Variants in SERPINB7 observed in about 807,000 individuals in gnomAD.
The protein encoded by SERPINB7 is serpin B7.
In SERPINB7, 31 loss-of-function variants were observed where a neutral mutation model predicts 37.4. The observed-to-expected ratio is 0.83, with a 90% confidence interval of 0.62 to 1.12. The LOEUF (loss-of-function observed/expected upper bound fraction) is 1.12, where lower values mean the gene tolerates loss of function less well. Among genes scored for constraint, SERPINB7 ranks in the 50% most tolerant of loss-of-function variants. The probability of loss-of-function intolerance (pLI) is 0.00; values close to 1 mark genes in which losing one functional copy is unlikely to be tolerated. For missense variants in SERPINB7, 521 were observed against 455.3 expected (o/e 1.14, Z -1.31); for synonymous variants, 163 against 166.1 (o/e 0.98, Z 0.14).
At chr18:63,784,249 C>A (rs1599006832) in intron 2 of SERPINB7, among the ~76,000 whole-genome samples, 1 of 152,150 alleles carries the variant, frequency 6.6e-6, no homozygotes, top group Admixed American at 6.5e-5. Context: ...TCAACTTTGG[C>A]ACTATTGACA....
At chr18:63,792,569 C>T (rs1303889228) in intron 3 of SERPINB7, 126 bp downstream of exon 3, 1 of 612,182 alleles carries the variant, frequency 1.6e-6, no homozygotes, top group Non-Finnish European at 2.9e-6. Context: ...TCAAGACCAG[C>T]CTGGGCAACA....
intron 2 of SERPINB7, among the ~76,000 whole-genome samples, chr18:63,786,438 A>G (rs1313316886): frequency 1.3e-5 from 2 of 151,820 alleles, no homozygotes; most frequent in Non-Finnish European, 2.9e-5. Flanking sequence ...TTTGGATTAC[A>G]ATATTATTTA....
At chr18:63,772,021 A>G (rs1452640113), upstream of SERPINB7, among the ~76,000 whole-genome samples, 2 of 152,012 alleles carry the variant, frequency 1.3e-5, no homozygotes, top group Non-Finnish European at 2.9e-5. Flanking sequence ...TTATACAGGT[A>G]AACTGCATGT....
At position 63,783,218 on chromosome 18, in the gene SERPINB7, G is replaced by GAA. The variant is rs1223366986; in HGVS notation, c.168+679_168+680insAA. On this transcript the variant is annotated intron_variant, in intron 2 of 7. Coordinates refer to ENST00000398019, the MANE Select transcript of SERPINB7 (RefSeq NM_003784.4). ...AGAGAGAGAGAGAGAGAGAGAGAGA[G>GAA]AGAGAGAGAGAGAGAGAAAGAAAGA... Among the ~76,000 whole-genome samples, 541 of 71,110 alleles carry GAA rather than the reference G, an allele frequency of 7.6e-3. 30 individuals are homozygous for GAA. The highest frequency in any genetic ancestry group is 0.027 in the African/African-American group (507 of 18,872). 46.7% of individuals were successfully genotyped at this position (71,110 alleles called of 152,430 possible).
At chr18:63,804,114 T>G in intron 7 of SERPINB7, 123 bp from the exon 8 acceptor site, 1 of 690,456 alleles carries the variant, frequency 1.4e-6, no homozygotes, top group Non-Finnish European at 2.4e-6. Context: ...CAAGACACAT[T>G]CATGTACTTG....
chr18:63,798,650 T>C lies in SERPINB7; in HGVS notation c.501T>C (p.Ala167=). 6.2e-7 allele frequency: 1 copy of C among 1,610,006 alleles called. No individual in the cohort carries two copies. The highest frequency in any genetic ancestry group is 8.5e-7 in the Non-Finnish European group (1 of 1,178,388). The stretch of plus-strand genomic sequence containing the variant: ...GTGAAGGTGGCATAAGCTCATCTGC[T>C]GTAATGGTGCTGGTGAATGCTGTGT... ...VIGEGGISSS[A]VMVLVNAVYF... The change falls in exon 6 of 8, where the codon GCT becomes GCC. Residue 167 remains alanine, a synonymous_variant. Coordinates refer to ENST00000398019, the MANE Select transcript of SERPINB7 (RefSeq NM_003784.4).
intron 7 of SERPINB7, among the ~76,000 whole-genome samples, chr18:63,801,390 C>T (rs942507788): frequency 6.6e-6 from 1 of 152,084 alleles, no homozygotes; most frequent in African/African-American, 2.4e-5. Context: ...ATGATAGAGT[C>T]CTGAGCCTTT....
chr18:63,753,370 G>A (rs191596499), intron 1 of SERPINB7, among the ~76,000 whole-genome samples: 8 of 152,122 alleles, frequency 5.3e-5, no homozygotes, highest in Middle Eastern at 3.4e-3. Context: ...ATTGACGGCC[G>A]CATCTATAAC....
intron 1 of SERPINB7, among the ~76,000 whole-genome samples, chr18:63,768,669 G>T (rs2049193733): frequency 6.6e-6 from 1 of 151,964 alleles, no homozygotes; most frequent in Admixed American, 6.6e-5. Context: ...ATAATAAATT[G>T]CATCAATTTA....
At chr18:63,792,308 G>A in intron 2 of SERPINB7, 85 bp from the exon 3 acceptor site, 1 of 986,938 alleles carries the variant, frequency 1.0e-6, no homozygotes, top group Non-Finnish European at 1.6e-6. Context: ...TATTGGGAAA[G>A]AATATTTTTA....
At chr18:63,800,350 C>T (rs2049534114) in intron 6 of SERPINB7, among the ~76,000 whole-genome samples, 1 of 152,100 alleles carries the variant, frequency 6.6e-6, no homozygotes, top group Admixed American at 6.6e-5. Context: ...GCATGAGCCA[C>T]AGCGCCTGGT....
Position 63,796,398 on chromosome 18 carries a change from A to G in SERPINB7, c.454+15A>G. The stretch of plus-strand genomic sequence containing the variant: ...TGAAACACATGGTGAGTATTGAAAT[A>G]CCCTATTTTTCTACAAGATTTGTCA... On this transcript the variant is annotated intron_variant, in intron 5 of 7. Coordinates refer to ENST00000398019, the MANE Select transcript of SERPINB7 (RefSeq NM_003784.4). 1 of 1,374,498 alleles carries G rather than the reference A, an allele frequency of 7.3e-7. No individual in the cohort carries two copies. The highest frequency in any genetic ancestry group is 1.7e-5 in the Admixed American group (1 of 59,000). 85.1% of individuals were successfully genotyped at this position (1,374,498 alleles called of 1,614,324 possible). A position where few individuals can be genotyped will look rare whatever the true frequency, so the allele number is the denominator to read the frequency against.
At position 63,782,513 on chromosome 18, in the gene SERPINB7, A is replaced by G. The variant is rs1049938755; in HGVS notation, c.141A>G (p.Gln47=). 6.2e-7 allele frequency: 1 copy of G among 1,613,376 alleles called. No homozygotes were observed. Among genetic ancestry groups the G allele is most frequent in the Admixed American group, 1.7e-5 (1 of 59,950 alleles). Residue 47 remains glutamine, a synonymous_variant, in exon 2 of 8, where the codon CAA becomes CAG. Coordinates refer to ENST00000398019, the MANE Select transcript of SERPINB7 (RefSeq NM_003784.4). ...AALALVRLGA[Q]DDSLSQIDKL... ...TGGCCCTGGTCCGCTTGGGCGCTCA[A>G]GATGACTCCCTCTCTCAGATTGATA...
At chr18:63,785,530 C>T (rs181953618) in intron 2 of SERPINB7, among the ~76,000 whole-genome samples, 46 of 152,228 alleles carry the variant, frequency 3.0e-4, no homozygotes, top group African/African-American at 9.9e-4. Context: ...GAAACTCTGG[C>T]TCATTTACTC....
At chr18:63,786,138 T>A (rs28494120) in intron 2 of SERPINB7, among the ~76,000 whole-genome samples, 1 of 116,600 alleles carries the variant, frequency 8.6e-6, no homozygotes, top group Non-Finnish European at 1.7e-5. Flanking sequence ...CGTATATACA[T>A]ATATACACAC....
At chr18:63,772,520 C>A (rs919029405), upstream of SERPINB7, among the ~76,000 whole-genome samples, 1 of 152,012 alleles carries the variant, frequency 6.6e-6, no homozygotes, top group African/African-American at 2.4e-5. Context: ...TTTACTTTTT[C>A]ATGACAAATA....
rs765672415 is a variant in SERPINB7, at chr18:63,793,295, T to G, written c.336+18T>G. 3 of 1,285,778 alleles carry G rather than the reference T, an allele frequency of 2.3e-6. No individual in the cohort carries two copies. Among genetic ancestry groups the G allele is most frequent in the East Asian group, 2.3e-5 (1 of 42,906 alleles). 79.6% of individuals were successfully genotyped at this position (1,285,778 alleles called of 1,614,324 possible). A position where few individuals can be genotyped will look rare whatever the true frequency, so the allele number is the denominator to read the frequency against. ...TTCATAAGGTAAGTGAAACTGCCTTTGTTAGAAGGACCTGAATCTTGTTAA... is the reference window on the plus strand; with the variant it reads ...TTCATAAGGTAAGTGAAACTGCCTTGGTTAGAAGGACCTGAATCTTGTTAA... On this transcript the variant is annotated intron_variant, in intron 4 of 7. Coordinates refer to ENST00000398019, the MANE Select transcript of SERPINB7 (RefSeq NM_003784.4).
chr18:63,782,747 C>A (rs1334024523), intron 2 of SERPINB7, among the ~76,000 whole-genome samples: 1 of 152,168 alleles, frequency 6.6e-6, no homozygotes, highest in Non-Finnish European at 1.5e-5. Context: ...CAGAAATATT[C>A]CAAGTACTGC....
intron 1 of SERPINB7, among the ~76,000 whole-genome samples, chr18:63,761,756 G>A (rs113461540): frequency 0.036 from 5,434 of 152,200 alleles, 161 homozygotes; most frequent in African/African-American, 0.076. Context: ...TCTTGCTGCC[G>A]CCATGTAAGA....
Sources: gnomAD v4.1 joint callset for allele counts (sites outside exome capture counted in the v4.1 genomes callset) on GRCh38, gnomAD v4.1.1 for gene constraint, MANE v1.5 for transcripts, NCBI Gene and HGNC (gene_info 2026-07-23, HGNC 2026-07-21) for gene names.